NRG1: variants seen among roughly 807,000 people sequenced by gnomAD.
NRG1 encodes the protein pro-neuregulin-1, membrane-bound isoform.
A neutral mutation model predicts 63.8 loss-of-function variants in NRG1; 18 were observed. The ratio of observed to expected loss-of-function variants is 0.28; its 90% CI spans 0.19 to 0.42. The LOEUF (loss-of-function observed/expected upper bound fraction) is 0.42. NRG1 is among the 10% of genes least tolerant of loss of function. The pLI is 1.00. For synonymous variants in NRG1, 302 were observed against 301.3 expected, an observed-to-expected ratio of 1.00 and a Z score of -0.02; for missense variants, 762 against 814.7, an observed-to-expected ratio of 0.94 and a Z score of 0.79.
chr8:31,936,130 A>C (rs1233104146), intron 1 of NRG1, among the ~76,000 whole-genome samples: 1 of 152,230 alleles, frequency 6.6e-6, no homozygotes, highest in East Asian at 1.9e-4. Flanking sequence ...TGCTTTTAAG[A>C]AGTGTTATGC....
intron 1 of NRG1, among the ~76,000 whole-genome samples, chr8:31,739,231 C>T (rs927435956): frequency 2.6e-5 from 4 of 152,038 alleles, no homozygotes; most frequent in Non-Finnish European, 5.9e-5. Flanking sequence ...CTGGTCTTCA[C>T]GCGGCAAACC....
chr8:32,701,467 A>G (rs771226897), intron 5 of NRG1, among the ~76,000 whole-genome samples: 61 of 152,302 alleles, frequency 4.0e-4, no homozygotes, highest in Admixed American at 7.8e-4. Context: ...ACTCAGTGAT[A>G]GAGGGGCGTA....
chr8:32,144,555 A>G (rs1836662196), intron 1 of NRG1, among the ~76,000 whole-genome samples: 1 of 152,194 alleles, frequency 6.6e-6, no homozygotes, highest in African/African-American at 2.4e-5. Flanking sequence ...ATAATTCACC[A>G]GGTAATTCAC....
chr8:32,558,119 C>T (rs181382952), intron 1 of NRG1, among the ~76,000 whole-genome samples: 2 of 152,308 alleles, frequency 1.3e-5, no homozygotes, highest in Admixed American at 1.3e-4. Context: ...CAGGAATCAA[C>T]AGAAGCTAAG....
In NRG1 at chr8:32,424,464, T is replaced by C. The variant is rs553163951; in HGVS notation, c.38-171364T>C. ...TTTGGGATCAGGAATCAGGAAAATC[T>C]GGGAAATGAAGAACGAAATGAGGCC... On this transcript the variant is annotated intron_variant, in intron 1 of 10. Coordinates refer to the NRG1 transcript ENST00000519301. Among the ~76,000 whole-genome samples the C allele has an allele frequency of 1.0e-3, 152 of 152,272 alleles. 1 individual carries two copies. The highest frequency in any genetic ancestry group is 1.9e-3 in the Non-Finnish European group (128 of 68,014).
At chr8:32,173,497 C>A (rs967764244) in intron 1 of NRG1, among the ~76,000 whole-genome samples, 1 of 152,000 alleles carries the variant, frequency 6.6e-6, no homozygotes, top group Non-Finnish European at 1.5e-5. Flanking sequence ...ACAATATTAA[C>A]CTTAAATGTA....
chr8:31,818,476 G>A (rs1289896833), intron 1 of NRG1, among the ~76,000 whole-genome samples: 2 of 152,082 alleles, frequency 1.3e-5, no homozygotes, highest in Non-Finnish European at 2.9e-5. Flanking sequence ...CCATGGAGTG[G>A]GGTTGGGGAA....
At chr8:32,454,618 T>G (rs1051548193) in intron 1 of NRG1, among the ~76,000 whole-genome samples, 1 of 149,980 alleles carries the variant, frequency 6.7e-6, no homozygotes, top group Non-Finnish European at 1.5e-5. Flanking sequence ...CTCTCAAATT[T>G]TTGGGCTCAA....
At chr8:32,362,391 C>T (rs79035035) in intron 1 of NRG1, among the ~76,000 whole-genome samples, 12,476 of 152,202 alleles carry the variant, frequency 0.082, 548 homozygotes, top group African/African-American at 0.11. Context: ...AAGATGCACA[C>T]GGAATATGCG....
chr8:32,463,597 C>G (rs924104336), intron 1 of NRG1, among the ~76,000 whole-genome samples: 2 of 152,020 alleles, frequency 1.3e-5, no homozygotes, highest in Non-Finnish European at 2.9e-5. Flanking sequence ...AACCATAGCA[C>G]TTTGGGAGGC....
chr8:32,082,765 T>C (rs926190854), intron 1 of NRG1, among the ~76,000 whole-genome samples: 1 of 152,160 alleles, frequency 6.6e-6, no homozygotes, highest in Non-Finnish European at 1.5e-5. Context: ...ATAAGCTTGG[T>C]TCTCTAGGTA....
chr8:32,428,163 GGA>G (rs748006433), intron 1 of NRG1, among the ~76,000 whole-genome samples: 12 of 152,110 alleles, frequency 7.9e-5, no homozygotes, highest in Admixed American at 2.0e-4. Context: ...GCTTCTACCT[GGA>G]CACCACACAA....
chr8:32,529,612 TATTA>T (rs1049961036), intron 1 of NRG1, among the ~76,000 whole-genome samples: 3 of 152,188 alleles, frequency 2.0e-5, no homozygotes, highest in Admixed American at 6.5e-5. Flanking sequence ...TTAAAGTTAT[TATTA>T]ATTATTATTA....
intron 1 of NRG1, among the ~76,000 whole-genome samples, chr8:32,057,729 A>G (rs1017902022): frequency 3.3e-5 from 5 of 152,126 alleles, no homozygotes; most frequent in African/African-American, 9.7e-5. Context: ...TAAGCTAAGT[A>G]CTTATTGGGT....
At chr8:32,422,281 T>C (rs1315761164) in intron 1 of NRG1, among the ~76,000 whole-genome samples, 1 of 152,238 alleles carries the variant, frequency 6.6e-6, no homozygotes, top group South Asian at 2.1e-4. Context: ...TATATGATCA[T>C]ATTAAACATA....
intron 1 of NRG1, among the ~76,000 whole-genome samples, chr8:32,185,887 A>T (rs764777703): frequency 6.6e-6 from 1 of 152,226 alleles, no homozygotes; most frequent in Non-Finnish European, 1.5e-5. Flanking sequence ...GTTTAATTGT[A>T]TGCCATCCTG....
chr8:32,043,581 T>G (rs556932335), intron 1 of NRG1, among the ~76,000 whole-genome samples: 30 of 151,850 alleles, frequency 2.0e-4, no homozygotes, highest in African/African-American at 7.2e-4. Context: ...CACTTGAGAG[T>G]CAAAAGCAAA....
intron 6 of NRG1, among the ~76,000 whole-genome samples, chr8:32,732,185 A>C (rs10954867): frequency 0.076 from 11,567 of 152,274 alleles, 638 homozygotes; most frequent in East Asian, 0.29. Flanking sequence ...ACAGTAATTT[A>C]AAATTTATTC....
downstream of NRG1, among the ~76,000 whole-genome samples, chr8:32,770,217 A>G (rs1373326743): frequency 6.6e-6 from 1 of 152,322 alleles, no homozygotes; most frequent in Non-Finnish European, 1.5e-5. Flanking sequence ...AGAGAAATGA[A>G]CTATTAAATA....
Sources: gnomAD v4.1 joint callset for allele counts (sites outside exome capture counted in the v4.1 genomes callset) on GRCh38, gnomAD v4.1.1 for gene constraint, MANE v1.5 for transcripts, NCBI Gene and HGNC (gene_info 2026-07-23, HGNC 2026-07-21) for gene names.